Variants in ZNF804B observed in about 807,000 individuals in gnomAD.
The protein encoded by ZNF804B is zinc finger 804B.
Under a neutral mutation model 101.4 loss-of-function variants are expected in ZNF804B, and 80 were observed. That is an observed-to-expected ratio of 0.79 (90% CI 0.66 to 0.95). The LOEUF is 0.95. ZNF804B is among the 40% of genes least tolerant of loss of function. The probability of loss-of-function intolerance (pLI) is 0.00; values close to 1 mark genes in which losing one functional copy is unlikely to be tolerated. For missense variants in ZNF804B, 1,673 were observed against 1,561.9 expected (o/e 1.07, Z -1.20); for synonymous variants, 622 against 558.8 (o/e 1.11, Z -1.59).
At chr7:89,043,858 A>G (rs770443089) in intron 1 of ZNF804B, among the ~76,000 whole-genome samples, 9 of 152,156 alleles carry the variant, frequency 5.9e-5, no homozygotes, top group Non-Finnish European at 8.8e-5. Flanking sequence ...ACCTCCTTTA[A>G]TAAGACCAGC....
chr7:89,174,389 T>C (rs1791286523), intron 1 of ZNF804B, among the ~76,000 whole-genome samples: 1 of 152,052 alleles, frequency 6.6e-6, no homozygotes, highest in Non-Finnish European at 1.5e-5. Flanking sequence ...TAATATATTC[T>C]ACAGTTCCAT....
At chr7:88,915,540 G>A (rs994278820) in intron 1 of ZNF804B, among the ~76,000 whole-genome samples, 1 of 151,800 alleles carries the variant, frequency 6.6e-6, no homozygotes, top group Non-Finnish European at 1.5e-5. Context: ...AATATATTAG[G>A]TATGTATTAA....
At chr7:89,124,636 A>G (rs1790453126) in intron 1 of ZNF804B, among the ~76,000 whole-genome samples, 1 of 152,168 alleles carries the variant, frequency 6.6e-6, no homozygotes, top group Admixed American at 6.6e-5. Context: ...ATGAAGAGAA[A>G]ATAGAGAAGC....
intron 1 of ZNF804B, among the ~76,000 whole-genome samples, chr7:89,167,711 A>T (rs1177369002): frequency 6.6e-6 from 1 of 152,176 alleles, no homozygotes; most frequent in Non-Finnish European, 1.5e-5. Flanking sequence ...AACTCTGTGT[A>T]TTCCAGCTCA....
intron 1 of ZNF804B, among the ~76,000 whole-genome samples, chr7:89,163,234 A>G (rs542977349): frequency 1.3e-5 from 2 of 152,272 alleles, no homozygotes; most frequent in Non-Finnish European, 2.9e-5. Context: ...AGAATAATAA[A>G]AACCACGGAT....
intron 1 of ZNF804B, among the ~76,000 whole-genome samples, chr7:88,919,458 T>C (rs1792687421): frequency 6.6e-6 from 1 of 152,266 alleles, no homozygotes; most frequent in Admixed American, 6.5e-5. Flanking sequence ...AGGGACAGTC[T>C]TTTTAAAGCA....
chr7:88,829,662 T>C (rs560820481), intron 1 of ZNF804B, among the ~76,000 whole-genome samples: 3 of 152,280 alleles, frequency 2.0e-5, no homozygotes, highest in Admixed American at 2.0e-4. Context: ...AAGTGTGTTA[T>C]GTTAGTGACT....
At chr7:88,857,224 A>G (rs887066544) in intron 1 of ZNF804B, among the ~76,000 whole-genome samples, 1 of 152,160 alleles carries the variant, frequency 6.6e-6, no homozygotes, top group East Asian at 1.9e-4. Flanking sequence ...GAGCAAACAC[A>G]TTCAAAAGCT....
intron 1 of ZNF804B, among the ~76,000 whole-genome samples, chr7:88,971,491 A>G (rs1380926601): frequency 2.6e-5 from 4 of 151,636 alleles, no homozygotes; most frequent in Non-Finnish European, 4.4e-5. Flanking sequence ...GTTTGTAAGG[A>G]GTACTGTGGA....
chr7:89,329,697 C>T lies in ZNF804B; in HGVS notation c.380+2223C>T, dbSNP rs558063432. 2.6e-5 allele frequency among the ~76,000 whole-genome samples: 4 copies of T among 151,642 alleles called. No individual in the cohort carries two copies. In the Admixed American group the frequency reaches 2.6e-4, roughly 10 times the overall value. On this transcript the variant is annotated intron_variant, in intron 3 of 3. Coordinates refer to ENST00000333190, the MANE Select transcript of ZNF804B (RefSeq NM_181646.5). ...ATTATATGGGGCTGAGGGTTTAGTCCCTCTCTGTATGTGAACTTCTTATGT... is the reference window on the plus strand; with the variant it reads ...ATTATATGGGGCTGAGGGTTTAGTCTCTCTCTGTATGTGAACTTCTTATGT...
At chr7:88,942,166 ACTCT>A (rs1332727012) in intron 1 of ZNF804B, among the ~76,000 whole-genome samples, 2 of 151,586 alleles carry the variant, frequency 1.3e-5, no homozygotes, top group Non-Finnish European at 2.9e-5. Flanking sequence ...CATATCCTAG[ACTCT>A]CTATGGTCTT....
intron 2 of ZNF804B, among the ~76,000 whole-genome samples, chr7:89,326,806 A>G (rs1041390118): frequency 2.6e-5 from 4 of 152,054 alleles, no homozygotes; most frequent in Admixed American, 2.6e-4. Context: ...CTTCCTGGAT[A>G]CAATATAGAA....
chr7:89,320,838 A>G (rs982677470), intron 2 of ZNF804B, among the ~76,000 whole-genome samples: 5 of 152,262 alleles, frequency 3.3e-5, no homozygotes, highest in Middle Eastern at 3.4e-3. Flanking sequence ...TAGAAAAAGC[A>G]TGCAACTAAA....
At chr7:88,875,275 CA>C (rs1791912410) in intron 1 of ZNF804B, among the ~76,000 whole-genome samples, 2 of 150,946 alleles carry the variant, frequency 1.3e-5, no homozygotes, top group Admixed American at 6.6e-5. Flanking sequence ...CAAACACATT[CA>C]AAAGCTAGCT....
intron 1 of ZNF804B, among the ~76,000 whole-genome samples, chr7:88,828,119 A>G (rs1199161064): frequency 1.3e-5 from 2 of 152,102 alleles, no homozygotes; most frequent in African/African-American, 4.8e-5. Flanking sequence ...ATGGCCTACA[A>G]GGTCGTCAGT....
At chr7:89,018,343 T>C (rs1431230323) in intron 1 of ZNF804B, among the ~76,000 whole-genome samples, 1 of 152,188 alleles carries the variant, frequency 6.6e-6, no homozygotes, top group Non-Finnish European at 1.5e-5. Flanking sequence ...GTACCATTTT[T>C]GTGTTCCTTG....
rs1554380215 is a variant in ZNF804B at position 89,220,041 on chromosome 7, ATG to A, written c.249+1749_249+1750del. Among the ~76,000 whole-genome samples the A allele has an allele frequency of 2.2e-5, 3 of 134,960 alleles. 1 individual carries two copies. The highest frequency in any genetic ancestry group is 4.5e-4 in the South Asian group (2 of 4,420). 88.5% of individuals were successfully genotyped at this position (134,960 alleles called of 152,430 possible). A position where few individuals can be genotyped will look rare whatever the true frequency, so the allele number is the denominator to read the frequency against. Reference sequence around the variant, plus strand: ...TGTATACATATATATACGCACATATATGTGCATATATACATATATACGCACAT... The same window carrying A: ...TGTATACATATATATACGCACATATATGCATATATACATATATACGCACAT... On this transcript the variant is annotated intron_variant, in intron 2 of 3. Transcript: ENST00000333190.
rs190212941 is a variant in ZNF804B, at chr7:89,299,145, T to C, written c.250-28199T>C. On this transcript the variant is annotated intron_variant, in intron 2 of 3. Transcript: ENST00000333190. ...CTACCATATATATAGATTGCTAGCA[T>C]TTTAAACTCATGTGCAAGATTTTAT... Among the ~76,000 whole-genome samples, 120 of 152,164 alleles carry C rather than the reference T, an allele frequency of 7.9e-4. 1 individual carries two copies. The highest frequency in any genetic ancestry group is 1.4e-3 in the Non-Finnish European group (94 of 67,990).
At position 88,955,880 on chromosome 7, in the gene ZNF804B, C is replaced by T. The variant is rs150918543; in HGVS notation, c.108+195796C>T. Among the ~76,000 whole-genome samples, 62 of 151,200 alleles carry T rather than the reference C, an allele frequency of 4.1e-4. 1 individual carries two copies. The East Asian group carries it at 9.5e-3, about 23-fold the overall frequency. ...ACTAGGGACTAATATCCAGAATATACGAGAAACTCAAAGGCAAAAAAAAAT... is the reference window on the plus strand; with the variant it reads ...ACTAGGGACTAATATCCAGAATATATGAGAAACTCAAAGGCAAAAAAAAAT... On this transcript the variant is annotated intron_variant, in intron 1 of 3. Coordinates refer to ENST00000333190, the MANE Select transcript of ZNF804B (RefSeq NM_181646.5).
Sources: gnomAD v4.1 joint callset for allele counts (sites outside exome capture counted in the v4.1 genomes callset) on GRCh38, gnomAD v4.1.1 for gene constraint, MANE v1.5 for transcripts, NCBI Gene and HGNC (gene_info 2026-07-23, HGNC 2026-07-21) for gene names.